Variants in TMEM65 observed in about 807,000 individuals in gnomAD.
TMEM65 encodes the protein transmembrane protein 65.
In TMEM65, 22 loss-of-function variants were observed where a neutral mutation model predicts 25.4. That is an observed-to-expected ratio of 0.86 (90% CI 0.62 to 1.23). The LOEUF (loss-of-function observed/expected upper bound fraction) is 1.23, where lower values mean the gene tolerates loss of function less well. Ranked by LOEUF, TMEM65 falls within the 50% of genes most tolerant of loss-of-function variation. The pLI is 0.00. For synonymous variants in TMEM65, 132 were observed against 126.2 expected, an observed-to-expected ratio of 1.05 and a Z score of -0.31; for missense variants, 262 against 308.2, an observed-to-expected ratio of 0.85 and a Z score of 1.12.
In TMEM65 at chr8:124,307,232, T is replaced by C. The variant is rs1814101479; in HGVS notation, c.*6728A>G. 6.6e-6 allele frequency: 1 copy of C among 152,200 alleles called. No homozygotes were observed. The allele number at this position is 152,200 out of a possible 1,614,324, so 9.4% of individuals were successfully genotyped here. A position where few individuals can be genotyped will look rare whatever the true frequency, so the allele number is the denominator to read the frequency against. On this transcript the variant is annotated 3_prime_UTR_variant, in exon 7 of 7. Transcript: ENST00000297632. ...TTGTGTATCGTAGTAAAAAGTGATCTCTCATGGTTCTCAGTTATTTTTCAT... is the reference window on the plus strand; with the variant it reads ...TTGTGTATCGTAGTAAAAAGTGATCCCTCATGGTTCTCAGTTATTTTTCAT...
At chr8:124,346,819 A>T (rs148236010) in intron 1 of TMEM65, among the ~76,000 whole-genome samples, 71 of 152,314 alleles carry the variant, frequency 4.7e-4, no homozygotes, top group African/African-American at 1.6e-3. Context: ...TAAACTAGTG[A>T]GTTTCAGCAA....
rs770299528 is a variant in TMEM65, at chr8:124,322,171, T to C, written c.473-24A>G. On this transcript the variant is annotated intron_variant, in intron 4 of 6. Coordinates refer to ENST00000297632, the MANE Select transcript of TMEM65 (RefSeq NM_194291.3). ...AGCTAAAAATTTGAAAAATAAATAATTGTTACATAAAAGAATAATAATTAT... is the reference window on the plus strand; with the variant it reads ...AGCTAAAAATTTGAAAAATAAATAACTGTTACATAAAAGAATAATAATTAT... The C allele has an allele frequency of 3.2e-6, 5 of 1,566,346 alleles. No individual in the cohort carries two copies. In the Admixed American group the frequency reaches 5.1e-5, roughly 16 times the overall value.
rs939885381 is a variant in TMEM65, at chr8:124,311,723, C to T, written c.*2237G>A. 1 of 152,086 alleles carries T rather than the reference C, an allele frequency of 6.6e-6. No individual in the cohort carries two copies. Among genetic ancestry groups the T allele is most frequent in the Non-Finnish European group, 1.5e-5 (1 of 67,960 alleles). 9.4% of individuals were successfully genotyped at this position (152,086 alleles called of 1,614,324 possible). On this transcript the variant is annotated 3_prime_UTR_variant, in exon 7 of 7. Coordinates refer to ENST00000297632, the MANE Select transcript of TMEM65 (RefSeq NM_194291.3). ...CCATTCTTCAGAAATCACTTTGTGG[C>T]AAAGCACCATACTAGGGTAGACTAT...
rs1364324226 is a variant in TMEM65 at position 124,309,492 on chromosome 8, T to G, written c.*4468A>C. The G allele has an allele frequency of 6.6e-6, 1 of 152,226 alleles. No homozygotes were observed. Among genetic ancestry groups the G allele is most frequent in the Non-Finnish European group, 1.5e-5 (1 of 68,046 alleles). 9.4% of individuals were successfully genotyped at this position (152,226 alleles called of 1,614,324 possible). A position where few individuals can be genotyped will look rare whatever the true frequency, so the allele number is the denominator to read the frequency against. Reference sequence around the variant, plus strand: ...TACTCTTTAGGCTTAATGCAGTTATTAGTAATATGAAACAAAAAGAAAACA... The same window carrying G: ...TACTCTTTAGGCTTAATGCAGTTATGAGTAATATGAAACAAAAAGAAAACA... On this transcript the variant is annotated 3_prime_UTR_variant, in exon 7 of 7. Coordinates refer to ENST00000297632, the MANE Select transcript of TMEM65 (RefSeq NM_194291.3).
chr8:124,322,819 A>G (rs1814321772), intron 4 of TMEM65, among the ~76,000 whole-genome samples: 1 of 152,068 alleles, frequency 6.6e-6, no homozygotes, highest in African/African-American at 2.4e-5. Flanking sequence ...AACATGGTGA[A>G]ACCCCGTCTC....
In TMEM65 at chr8:124,337,897, G is replaced by C. The variant is rs371664963; in HGVS notation, c.305-7105C>G. Among the ~76,000 whole-genome samples the C allele has an allele frequency of 3.9e-5, 6 of 151,980 alleles. No homozygotes were observed. In the East Asian group the frequency reaches 9.6e-4, roughly 24 times the overall value. On this transcript the variant is annotated intron_variant, in intron 1 of 6. Coordinates refer to ENST00000297632, the MANE Select transcript of TMEM65 (RefSeq NM_194291.3). Reference sequence around the variant, plus strand: ...TACTCATAGTTGCATATGTTAAAAGGATGAGGATATTGAGTTTGTTTTTTA... The same window carrying C: ...TACTCATAGTTGCATATGTTAAAAGCATGAGGATATTGAGTTTGTTTTTTA...
chr8:124,337,161 C>T (rs1226042061), intron 1 of TMEM65, among the ~76,000 whole-genome samples: 1 of 151,534 alleles, frequency 6.6e-6, no homozygotes, highest in African/African-American at 2.4e-5. Context: ...ACACACACCC[C>T]TTCCAAACCT....
At chr8:124,365,233 A>G (rs891305467) in intron 1 of TMEM65, among the ~76,000 whole-genome samples, 3 of 152,236 alleles carry the variant, frequency 2.0e-5, no homozygotes, top group Admixed American at 6.5e-5. Flanking sequence ...TATACATATA[A>G]GTGTTTGACT....
chr8:124,354,944 A>G lies in TMEM65; in HGVS notation c.304+16910T>C, dbSNP rs142262713. On this transcript the variant is annotated intron_variant, in intron 1 of 6. Transcript: ENST00000297632. ...TGTGCCATACTTGAAACTCTTCTGT[A>G]AATTTAAGACTGTTTCAAAATGTAA... 2.3e-3 allele frequency among the ~76,000 whole-genome samples: 350 copies of G among 152,340 alleles called. 1 individual carries two copies. Among genetic ancestry groups the G allele is most frequent in the African/African-American group, 7.9e-3 (330 of 41,580 alleles).
At chr8:124,341,768 G>A (rs73332169) in intron 1 of TMEM65, among the ~76,000 whole-genome samples, 1,842 of 151,480 alleles carry the variant, frequency 0.012, 42 homozygotes, top group African/African-American at 0.042. Context: ...TTTTAATCAC[G>A]GATTTTAAAC....
chr8:124,322,251 A>T lies in TMEM65; in HGVS notation c.473-104T>A, dbSNP rs1361029618. On this transcript the variant is annotated intron_variant, in intron 4 of 6. Coordinates refer to ENST00000297632, the MANE Select transcript of TMEM65 (RefSeq NM_194291.3). ...TTGGAAGAGTTCTCATATTTCTCAA[A>T]CAACAGCAACCATATCCAAAGTAAC... 2.0e-5 allele frequency: 16 copies of T among 806,756 alleles called. No homozygotes were observed. The East Asian group carries it at 3.8e-4, about 19-fold the overall frequency. The allele number at this position is 806,756 out of a possible 1,614,324, so 50.0% of individuals were successfully genotyped here.
chr8:124,324,589 A>G (rs917330669), intron 3 of TMEM65, among the ~76,000 whole-genome samples: 1 of 152,138 alleles, frequency 6.6e-6, no homozygotes, highest in African/African-American at 2.4e-5. Flanking sequence ...GGCACCTGAT[A>G]ACAACAGTCT....
At position 124,372,250 on chromosome 8, in the gene TMEM65, G is replaced by T. The variant is rs955272855; in HGVS notation, c.-93C>A. 8.8e-7 allele frequency: 1 copy of T among 1,135,398 alleles called. No individual in the cohort carries two copies. The highest frequency in any genetic ancestry group is 1.1e-6 in the Non-Finnish European group (1 of 915,580). The allele number at this position is 1,135,398 out of a possible 1,614,324, so 70.3% of individuals were successfully genotyped here. On this transcript the variant is annotated 5_prime_UTR_variant, in exon 1 of 7. Coordinates refer to ENST00000297632, the MANE Select transcript of TMEM65 (RefSeq NM_194291.3). ...AAGGAGCTGGGCTCAGCTCGACCCC[G>T]CCCCGAGGTCCTCCTGCCAGGCAGC... is the stretch of plus-strand genomic sequence containing the variant.
At position 124,327,405 on chromosome 8, in the gene TMEM65, C is replaced by T. The variant is rs532224599; in HGVS notation, c.366G>A (p.Ala122=). Residue 122 remains alanine (A), a synonymous_variant, in exon 3 of 7, where the codon GCG becomes GCA. Transcript: ENST00000297632. Reference sequence around the variant, plus strand: ...AAAAGCCAAACCCTATGAAAGGTATCGCATTGTGGATGAATACTGAAAAAC... The same window carrying T: ...AAAAGCCAAACCCTATGAAAGGTATTGCATTGTGGATGAATACTGAAAAAC... ...GQLRYVFIHN[A]IPFIGFGFLD... The T allele has an allele frequency of 1.5e-5, 24 of 1,597,002 alleles. No homozygotes were observed. The highest frequency in any genetic ancestry group is 2.7e-5 in the African/African-American group (2 of 74,120).
At chr8:124,351,924 G>A (rs1218833707) in intron 1 of TMEM65, among the ~76,000 whole-genome samples, 3 of 152,074 alleles carry the variant, frequency 2.0e-5, no homozygotes, top group East Asian at 3.8e-4. Flanking sequence ...TCTTGGCTGC[G>A]CTTTTATCTC....
chr8:124,357,797 CT>C (rs900884421), intron 1 of TMEM65, among the ~76,000 whole-genome samples: 84 of 59,000 alleles, frequency 1.4e-3, no homozygotes, highest in Admixed American at 4.8e-3. Context: ...TCAGACAAAC[CT>C]TTTTTTTTAT....
chr8:124,336,591 A>T (rs1814509713), intron 1 of TMEM65, among the ~76,000 whole-genome samples: 1 of 152,040 alleles, frequency 6.6e-6, no homozygotes. Flanking sequence ...ACCAAAGAGG[A>T]AATCAAAAAG....
At chr8:124,362,778 C>T (rs150381923) in intron 1 of TMEM65, among the ~76,000 whole-genome samples, 2 of 150,734 alleles carry the variant, frequency 1.3e-5, no homozygotes, top group African/African-American at 2.4e-5. Context: ...TATACTAATA[C>T]AAAAGTAAAA....
At chr8:124,357,013 C>G (rs565980011) in intron 1 of TMEM65, among the ~76,000 whole-genome samples, 2 of 151,754 alleles carry the variant, frequency 1.3e-5, no homozygotes, top group South Asian at 4.2e-4. Context: ...TGGTCTTATT[C>G]CCTCTTTCTT....
Sources: gnomAD v4.1 joint callset for allele counts (sites outside exome capture counted in the v4.1 genomes callset) on GRCh38, gnomAD v4.1.1 for gene constraint, MANE v1.5 for transcripts, NCBI Gene and HGNC (gene_info 2026-07-23, HGNC 2026-07-21) for gene names.